SHROOM3: variants seen among roughly 807,000 people sequenced by gnomAD.
SHROOM3 encodes protein Shroom3.
A neutral mutation model predicts 138.6 loss-of-function variants in SHROOM3; 47 were observed. That is an observed-to-expected ratio of 0.34 (90% CI 0.27 to 0.43). The LOEUF (loss-of-function observed/expected upper bound fraction) is 0.43. Among genes scored for constraint, SHROOM3 ranks in the 20% least tolerant of loss-of-function variants. The probability of loss-of-function intolerance (pLI) is 1.00; values close to 1 mark genes in which losing one functional copy is unlikely to be tolerated. For synonymous variants in SHROOM3, 1,062 were observed against 1,063.3 expected, an observed-to-expected ratio of 1.00 and a Z score of 0.02; for missense variants, 2,491 against 2,596.5, an observed-to-expected ratio of 0.96 and a Z score of 0.88.
At chr4:76,755,314 C>A in intron 7 of SHROOM3, 122 bp downstream of exon 7, 1 of 1,183,292 alleles carries the variant, frequency 8.5e-7, no homozygotes, top group African/African-American at 1.5e-5. Context: ...TACAGCTCAG[C>A]TCAGGACACT....
intron 2 of SHROOM3, among the ~76,000 whole-genome samples, chr4:76,643,950 T>G (rs767438216): frequency 7.3e-5 from 11 of 151,686 alleles, no homozygotes; most frequent in Admixed American, 2.0e-4. Context: ...GTTCAAGCCA[T>G]TCTCCTGCCT....
intron 1 of SHROOM3, among the ~76,000 whole-genome samples, chr4:76,512,793 T>C (rs902233231): frequency 1.3e-5 from 2 of 152,132 alleles, no homozygotes; most frequent in African/African-American, 4.8e-5. Context: ...GAAAATTTGG[T>C]AAAGGCCTTA....
chr4:76,716,229 G>T (rs1447778621), intron 3 of SHROOM3: 1 of 489,200 alleles, frequency 2.0e-6, no homozygotes, highest in Non-Finnish European at 4.1e-6. Flanking sequence ...CGCTGAGCTG[G>T]GCAAGTTCAA....
chr4:76,702,033 G>A (rs992166607), intron 2 of SHROOM3, among the ~76,000 whole-genome samples: 6 of 152,152 alleles, frequency 3.9e-5, no homozygotes, highest in African/African-American at 1.4e-4. Flanking sequence ...CCATAATCCT[G>A]TCACCCAGTA....
chr4:76,626,425 A>G (rs536880723), intron 2 of SHROOM3, among the ~76,000 whole-genome samples: 6 of 152,300 alleles, frequency 3.9e-5, no homozygotes, highest in African/African-American at 1.4e-4. Flanking sequence ...TTCTTTCTTA[A>G]ACTATTCCTT....
chr4:76,620,275 C>T (rs1211101918), intron 2 of SHROOM3, among the ~76,000 whole-genome samples: 1 of 151,928 alleles, frequency 6.6e-6, no homozygotes, highest in Non-Finnish European at 1.5e-5. Context: ...AGGTCTTGGG[C>T]TCTGCTGATG....
chr4:76,471,579 T>C (rs1731374420), intron 1 of SHROOM3, among the ~76,000 whole-genome samples: 1 of 152,160 alleles, frequency 6.6e-6, no homozygotes, highest in Non-Finnish European at 1.5e-5. Context: ...CTTTCCTTAA[T>C]GTAGCAAATC....
rs897106785 is a variant in SHROOM3 at position 76,447,384 on chromosome 4, G to T, written c.168+11164G>T. Reference sequence around the variant, plus strand: ...GTTAAAATTTTTAATGAAAGAAGTTGTGTGGGTACAATGTAAGCTTTTATC... The same window carrying T: ...GTTAAAATTTTTAATGAAAGAAGTTTTGTGGGTACAATGTAAGCTTTTATC... On this transcript the variant is annotated intron_variant, in intron 1 of 10. Transcript: ENST00000296043. 8.9e-4 allele frequency among the ~76,000 whole-genome samples: 135 copies of T among 152,294 alleles called. 1 individual carries two copies. The highest frequency in any genetic ancestry group is 3.2e-3 in the African/African-American group (132 of 41,548).
intron 2 of SHROOM3, chr4:76,644,166 T>C (rs1400847983): frequency 1.3e-5 from 2 of 151,946 alleles, no homozygotes; most frequent in Non-Finnish European, 2.9e-5. Context: ...TTTATATATA[T>C]AGGCTGCTGT....
At chr4:76,669,341 C>T (rs1374691836) in intron 2 of SHROOM3, among the ~76,000 whole-genome samples, 4 of 152,116 alleles carry the variant, frequency 2.6e-5, no homozygotes, top group African/African-American at 7.2e-5. Flanking sequence ...AATCCTATGG[C>T]TGGACTCAGT....
intron 1 of SHROOM3, among the ~76,000 whole-genome samples, chr4:76,551,961 A>C (rs925741089): frequency 2.0e-5 from 3 of 150,094 alleles, no homozygotes; most frequent in South Asian, 2.1e-4. Context: ...TCCTGGGTTC[A>C]CGCCATTCTC....
In SHROOM3 at chr4:76,555,605, G is replaced by A; in HGVS notation, c.169-4G>A. 6.2e-7 allele frequency: 1 copy of A among 1,613,254 alleles called. No individual in the cohort carries two copies. The highest frequency in any genetic ancestry group is 8.5e-7 in the Non-Finnish European group (1 of 1,179,984). ...GTGGCTGTCGCATCTCTCCCTCCAA[G>A]CAGGTCGAAGAAGGGGGCAAAGCAG... On this transcript the variant is annotated splice_polypyrimidine_tract_variant and splice_region_variant and intron_variant, in intron 1 of 10. Coordinates refer to ENST00000296043, the MANE Select transcript of SHROOM3 (RefSeq NM_020859.4).
intron 2 of SHROOM3, among the ~76,000 whole-genome samples, chr4:76,633,674 A>G (rs537121810): frequency 0.012 from 1,230 of 103,500 alleles, 21 homozygotes; most frequent in African/African-American, 0.043. Flanking sequence ...AAAAAAAAAA[A>G]AAAAGAAAAG....
intron 2 of SHROOM3, among the ~76,000 whole-genome samples, chr4:76,636,618 T>G (rs1735502450): frequency 6.6e-6 from 1 of 152,236 alleles, no homozygotes; most frequent in Non-Finnish European, 1.5e-5. Context: ...TGTGTAGAAT[T>G]TGCACTTTCT....
intron 2 of SHROOM3, among the ~76,000 whole-genome samples, chr4:76,609,144 A>C (rs749526245): frequency 2.0e-5 from 3 of 152,216 alleles, no homozygotes; most frequent in Non-Finnish European, 4.4e-5. Context: ...GAAAGCTTGT[A>C]TATGTTTATA....
At chr4:76,693,620 C>T (rs999921054) in intron 2 of SHROOM3, among the ~76,000 whole-genome samples, 4 of 151,808 alleles carry the variant, frequency 2.6e-5, no homozygotes, top group Non-Finnish European at 5.9e-5. Flanking sequence ...CTCTTGACCT[C>T]GTGATCTGCC....
At chr4:76,771,011 G>A in intron 10 of SHROOM3, 113 bp downstream of exon 10, 2 of 1,377,388 alleles carry the variant, frequency 1.5e-6, no homozygotes, top group South Asian at 1.2e-5. Context: ...AATCTCTTTG[G>A]GGCAGGGAGA....
chr4:76,611,322 T>C (rs1026143645), intron 2 of SHROOM3, among the ~76,000 whole-genome samples: 3 of 16,120 alleles, frequency 1.9e-4, no homozygotes, highest in Admixed American at 1.2e-3. Context: ...TGTGAAGGAT[T>C]TTTTTTTTTT....
chr4:76,609,046 T>C (rs1734708187), intron 2 of SHROOM3, among the ~76,000 whole-genome samples: 1 of 152,072 alleles, frequency 6.6e-6, no homozygotes, highest in African/African-American at 2.4e-5. Context: ...ATAATATGTC[T>C]GACAAGGTGT....
Sources: gnomAD v4.1 joint callset for allele counts (sites outside exome capture counted in the v4.1 genomes callset) on GRCh38, gnomAD v4.1.1 for gene constraint, MANE v1.5 for transcripts, NCBI Gene and HGNC (gene_info 2026-07-23, HGNC 2026-07-21) for gene names.